ARHGAP15: variants seen among roughly 807,000 people sequenced by gnomAD.
The protein encoded by ARHGAP15 is rho GTPase-activating protein 15.
In ARHGAP15, 51 loss-of-function variants were observed where a neutral mutation model predicts 63.7. That is an observed-to-expected ratio of 0.80 (90% CI 0.64 to 1.01). The LOEUF (loss-of-function observed/expected upper bound fraction) is 1.01. Ranked by LOEUF, ARHGAP15 falls within the 50% of genes least tolerant of loss-of-function variation. The pLI is 0.00. For missense variants in ARHGAP15, 560 were observed against 564.6 expected (o/e 0.99, Z 0.08); for synonymous variants, 191 against 193.8 (o/e 0.99, Z 0.12).
At position 143,345,779 on chromosome 2, in the gene ARHGAP15, G is replaced by C. The variant is rs376420621; in HGVS notation, c.475-89822G>C. ...AGGTGTATACTAAGAGAATAGAATT[G>C]TACATATATGTGATGTGGCTTTTTA... is the stretch of plus-strand genomic sequence containing the variant. On this transcript the variant is annotated intron_variant, in intron 6 of 13. Transcript: ENST00000295095. Among the ~76,000 whole-genome samples the C allele has an allele frequency of 3.3e-5, 5 of 152,176 alleles. No individual in the cohort carries two copies. The South Asian group carries it at 1.0e-3, about 32-fold the overall frequency.
intron 10 of ARHGAP15, among the ~76,000 whole-genome samples, chr2:143,532,645 C>T (rs193156526): frequency 6.6e-6 from 1 of 152,222 alleles, no homozygotes; most frequent in East Asian, 1.9e-4. Context: ...CCTGAGCAGC[C>T]AACAATTAGA....
chr2:143,234,723 A>G (rs1392528076), intron 5 of ARHGAP15, among the ~76,000 whole-genome samples: 1 of 152,186 alleles, frequency 6.6e-6, no homozygotes, highest in Non-Finnish European at 1.5e-5. Flanking sequence ...CTTATTCTTT[A>G]TAACACTTTG....
rs767467036 is a variant in ARHGAP15, at chr2:143,396,715, G to A, written c.475-38886G>A. Among the ~76,000 whole-genome samples the A allele has an allele frequency of 2.6e-5, 4 of 151,654 alleles. No individual in the cohort carries two copies. In the East Asian group the frequency reaches 5.8e-4, roughly 22 times the overall value. On this transcript the variant is annotated intron_variant, in intron 6 of 13. Coordinates refer to ENST00000295095, the MANE Select transcript of ARHGAP15 (RefSeq NM_018460.4). Reference sequence around the variant, plus strand: ...CTATCCTAGGAAATAACTATCCATTGGAATATCTGTCGCTCATCTAGATGC... The same window carrying A: ...CTATCCTAGGAAATAACTATCCATTAGAATATCTGTCGCTCATCTAGATGC...
intron 11 of ARHGAP15, among the ~76,000 whole-genome samples, chr2:143,588,467 C>T (rs1312579315): frequency 2.6e-5 from 4 of 152,042 alleles, no homozygotes; most frequent in Admixed American, 6.6e-5. Flanking sequence ...ATGACCTGTC[C>T]TCTAAGTTCC....
chr2:143,507,275 A>C (rs1693363859), intron 9 of ARHGAP15, among the ~76,000 whole-genome samples: 1 of 152,116 alleles, frequency 6.6e-6, no homozygotes, highest in African/African-American at 2.4e-5. Context: ...TTTCAACTGG[A>C]TTATGAGCTG....
intron 12 of ARHGAP15, among the ~76,000 whole-genome samples, chr2:143,665,082 T>C (rs1484599647): frequency 3.3e-5 from 5 of 151,840 alleles, no homozygotes; most frequent in East Asian, 1.9e-4. Context: ...CCAGCATCAT[T>C]CTGATACCAA....
chr2:143,133,844 A>G (rs1689005860), intron 1 of ARHGAP15, among the ~76,000 whole-genome samples: 1 of 152,132 alleles, frequency 6.6e-6, no homozygotes, highest in Non-Finnish European at 1.5e-5. Context: ...TGTAAAAACC[A>G]TATATATATG....
At chr2:143,630,290 A>G (rs758235435) in intron 12 of ARHGAP15, among the ~76,000 whole-genome samples, 19 of 152,112 alleles carry the variant, frequency 1.2e-4, no homozygotes, top group Non-Finnish European at 2.8e-4. Context: ...TCAATTGCTC[A>G]ATATCTCCTT....
chr2:143,499,978 G>A (rs1348121517), intron 9 of ARHGAP15, among the ~76,000 whole-genome samples: 1 of 151,886 alleles, frequency 6.6e-6, no homozygotes, highest in Admixed American at 6.6e-5. Flanking sequence ...TATAAAACAG[G>A]CTTTATGAAA....
intron 12 of ARHGAP15, among the ~76,000 whole-genome samples, chr2:143,661,622 A>G (rs1002235554): frequency 6.6e-6 from 1 of 152,202 alleles, no homozygotes; most frequent in Non-Finnish European, 1.5e-5. Flanking sequence ...AGTGTGAGCG[A>G]CGCAGAAGAC....
chr2:143,325,491 C>A (rs1418377132), intron 6 of ARHGAP15, among the ~76,000 whole-genome samples: 1 of 152,082 alleles, frequency 6.6e-6, no homozygotes, highest in Non-Finnish European at 1.5e-5. Context: ...TTTCACAATT[C>A]AATAAATATT....
At chr2:143,742,759 G>A (rs1394063598) in intron 13 of ARHGAP15, among the ~76,000 whole-genome samples, 1 of 152,146 alleles carries the variant, frequency 6.6e-6, no homozygotes, top group Non-Finnish European at 1.5e-5. Flanking sequence ...AAAGAACCTG[G>A]CCCGGAGGCT....
intron 6 of ARHGAP15, among the ~76,000 whole-genome samples, chr2:143,381,099 A>G (rs1687035863): frequency 2.6e-5 from 4 of 152,190 alleles, no homozygotes; most frequent in Admixed American, 6.5e-5. Flanking sequence ...TTAAAACAAG[A>G]CTAATTGTAT....
chr2:143,140,528 A>G (rs1243229147), intron 1 of ARHGAP15, among the ~76,000 whole-genome samples: 1 of 152,142 alleles, frequency 6.6e-6, no homozygotes, highest in Non-Finnish European at 1.5e-5. Context: ...AAATTTTTGC[A>G]TGGAGTGGTA....
At chr2:143,310,811 C>T (rs1422793510) in intron 6 of ARHGAP15, among the ~76,000 whole-genome samples, 1 of 151,958 alleles carries the variant, frequency 6.6e-6, no homozygotes, top group Non-Finnish European at 1.5e-5. Context: ...ATCTAAAACT[C>T]TATAAAATGT....
At chr2:143,267,137 A>G (rs996856164) in intron 6 of ARHGAP15, among the ~76,000 whole-genome samples, 6 of 152,200 alleles carry the variant, frequency 3.9e-5, no homozygotes, top group Admixed American at 2.6e-4. Context: ...AGGAAGAAAC[A>G]CTAGTTGGCA....
At chr2:143,661,461 TGA>T (rs1432126141) in intron 12 of ARHGAP15, among the ~76,000 whole-genome samples, 1 of 152,172 alleles carries the variant, frequency 6.6e-6, no homozygotes. Flanking sequence ...AAGGAATAAA[TGA>T]GAGAGACAAG....
chr2:143,203,161 G>A (rs1288725436), intron 3 of ARHGAP15, among the ~76,000 whole-genome samples: 2 of 152,040 alleles, frequency 1.3e-5, no homozygotes, highest in Non-Finnish European at 2.9e-5. Context: ...TCTTTGGGAT[G>A]TCCCATCCTT....
chr2:143,170,389 G>A (rs372301418), intron 2 of ARHGAP15, among the ~76,000 whole-genome samples: 3 of 152,088 alleles, frequency 2.0e-5, no homozygotes, highest in East Asian at 1.9e-4. Flanking sequence ...TTTAAGTGAA[G>A]CAGTGCACCT....
Sources: allele counts gnomAD v4.1 joint callset (sites outside exome capture counted in the v4.1 genomes callset), GRCh38; gene constraint gnomAD v4.1.1; transcripts MANE v1.5; gene names NCBI Gene and HGNC (gene_info 2026-07-23, HGNC 2026-07-21).